PCNX3: variants seen among roughly 807,000 people sequenced by gnomAD.
PCNX3 encodes pecanex-like protein 3.
A neutral mutation model predicts 207.2 loss-of-function variants in PCNX3; 58 were observed. The ratio of observed to expected loss-of-function variants is 0.28; its 90% CI spans 0.23 to 0.35. PCNX3 has a LOEUF of 0.35. Ranked by LOEUF, PCNX3 falls within the 10% of genes least tolerant of loss-of-function variation. PCNX3 has a pLI of 1.00. For synonymous variants in PCNX3, 1,337 were observed against 1,183.5 expected (o/e 1.13, Z -2.66); for missense variants, 2,410 against 2,774.4 (o/e 0.87, Z 2.95).
In PCNX3 at chr11:65,636,494, C is replaced by T; in HGVS notation, c.5697C>T (p.Pro1899=). The change falls in exon 34 of 35, where the codon CCC becomes CCT. Residue 1899 remains proline (P), a synonymous_variant. Coordinates refer to ENST00000355703, the MANE Select transcript of PCNX3 (RefSeq NM_032223.4). ...CCCCACCTCTGCTGCAGTGGCCTCC[C>T]CCTCGGCTCCCTGGACCACCCCCTG... ...GRPPPLLQWP[P]PRLPGPPPAS... is the part of the protein sequence containing the mutation. 1 of 1,576,396 alleles carries T rather than the reference C, an allele frequency of 6.3e-7. No individual in the cohort carries two copies. The highest frequency in any genetic ancestry group is 8.6e-7 in the Non-Finnish European group (1 of 1,162,934).
At position 65,623,664 on chromosome 11, in the gene PCNX3, G is replaced by A; in HGVS notation, c.2511+20G>A. On this transcript the variant is annotated intron_variant, in intron 12 of 34. Coordinates refer to ENST00000355703, the MANE Select transcript of PCNX3 (RefSeq NM_032223.4). ...CTGAAGGTCAGGCCGGGCTCTCTGT[G>A]TTTCCTTCCCCACCCGACTTTTCCC... 1 of 1,606,864 alleles carries A rather than the reference G, an allele frequency of 6.2e-7. No homozygotes were observed.
chr11:65,620,037 C>T lies in PCNX3; in HGVS notation c.2008+105C>T, dbSNP rs976777378. 2.5e-5 allele frequency: 30 copies of T among 1,201,030 alleles called. No individual in the cohort carries two copies. In the East Asian group the frequency reaches 4.6e-4, roughly 18 times the overall value. 74.4% of individuals were successfully genotyped at this position (1,201,030 alleles called of 1,614,324 possible). On this transcript the variant is annotated intron_variant, in intron 8 of 34. Transcript: ENST00000355703. ...GCTCGGCCCTGTGGCAGGTACACTG[C>T]TAATGCTGCCAGACATCATCCTTGC... is the stretch of plus-strand genomic sequence containing the variant.
Position 65,625,444 on chromosome 11 carries a change from G to A in PCNX3, c.3069G>A (p.Glu1023=), listed in dbSNP as rs1445645671. The part of the protein sequence containing the change: ...IRSKLFPELE[E]RSLETARAEP... Reference sequence around the variant, plus strand: ...GCAAGCTGTTCCCTGAGCTGGAGGAGCGCAGCTTGGAGACAGCCCGGGCCG... The same window carrying A: ...GCAAGCTGTTCCCTGAGCTGGAGGAACGCAGCTTGGAGACAGCCCGGGCCG... The change falls in exon 18 of 35, where the codon GAG becomes GAA. Residue 1023 remains glutamate, a synonymous_variant. Transcript: ENST00000355703. The surrounding 1 kb of genome is among the most constrained non-coding windows in gnomAD (Gnocchi z 5.6). 5.6e-6 allele frequency: 9 copies of A among 1,605,334 alleles called. No individual in the cohort carries two copies. In the South Asian group the frequency reaches 8.8e-5, roughly 16 times the overall value.
At position 65,634,991 on chromosome 11, in the gene PCNX3, C is replaced by T. The variant is rs141507687; in HGVS notation, c.4824C>T (p.Tyr1608=). ...SMSASLEPFL[Y]GLHALFKGDF... ...CACTTAGCCTGGAGCCCTTCCTCTACGGCCTGCACGCCCTGTTCAAGGGGG... is the reference window on the plus strand; with the variant it reads ...CACTTAGCCTGGAGCCCTTCCTCTATGGCCTGCACGCCCTGTTCAAGGGGG... The change falls in exon 30 of 35, where the codon TAC becomes TAT. Residue 1608 remains tyrosine (Y), a synonymous_variant. Transcript: ENST00000355703. The T allele has an allele frequency of 9.8e-4, 1,576 of 1,613,458 alleles. 14 individuals carry two copies. The African/African-American group carries it at 0.019, about 19-fold the overall frequency.
Position 65,618,863 on chromosome 11 carries a change from G to C in PCNX3, c.1501G>C (p.Ala501Pro). Residue 501 changes from alanine (A) to proline (P), a missense_variant, in exon 6 of 35, where the codon GCC becomes CCC. By Grantham distance (27) the Ala-to-Pro change is conservative (BLOSUM62 -1). Coordinates refer to ENST00000355703, the MANE Select transcript of PCNX3 (RefSeq NM_032223.4). The stretch of plus-strand genomic sequence containing the variant: ...TAGTACCGCCAGCGCTAAAACACAT[G>C]CCCGTGTGCTGAGCATGGATGGGGC... ...TPSTASAKTH[A>P]RVLSMDGAGG... The C allele has an allele frequency of 1.9e-6, 3 of 1,610,876 alleles. No individual in the cohort carries two copies. Among genetic ancestry groups the C allele is most frequent in the Non-Finnish European group, 2.5e-6 (3 of 1,179,170 alleles).
rs1379774086 is a variant in PCNX3 at position 65,629,750 on chromosome 11, C to T, written c.4216+15C>T. 25 of 1,548,844 alleles carry T rather than the reference C, an allele frequency of 1.6e-5. No individual in the cohort carries two copies. Among genetic ancestry groups the T allele is most frequent in the African/African-American group, 1.4e-5 (1 of 72,992 alleles). ...TGAGTTCCGGGGTGAGCCGCAGGACCAGGCTCGGGTGGGCAGGCACAGCTC... is the reference window on the plus strand; with the variant it reads ...TGAGTTCCGGGGTGAGCCGCAGGACTAGGCTCGGGTGGGCAGGCACAGCTC... On this transcript the variant is annotated intron_variant, in intron 26 of 34. Coordinates refer to ENST00000355703, the MANE Select transcript of PCNX3 (RefSeq NM_032223.4).
At position 65,626,978 on chromosome 11, in the gene PCNX3, G is replaced by A. The variant is rs1342213036; in HGVS notation, c.3454G>A (p.Ala1152Thr). The A allele has an allele frequency of 4.5e-6, 7 of 1,560,740 alleles. No homozygotes were observed. Among genetic ancestry groups the A allele is most frequent in the Non-Finnish European group, 6.1e-6 (7 of 1,152,484 alleles). The change falls in exon 21 of 35, where the codon GCC becomes ACC. Residue 1152 changes from alanine (A) to threonine (T), a missense_variant. Around this residue, in one of 8 missense-constraint regions of PCNX3, gnomAD observed 333 missense variants for 386.8 expected, o/e 0.86. Coordinates refer to ENST00000355703, the MANE Select transcript of PCNX3 (RefSeq NM_032223.4). ...CGTAGAGAAGTACCTCATCTACCCC[G>A]CCGTGGTGCTCAACGCCCTCACGGT... ...QCVEKYLIYP[A>T]VVLNALTVDA... is the part of the protein sequence containing the mutation.
At chr11:65,631,528 G>A (rs1590900596) in intron 27 of PCNX3, among the ~76,000 whole-genome samples, 1 of 152,108 alleles carries the variant, frequency 6.6e-6, no homozygotes, top group Non-Finnish European at 1.5e-5. Context: ...GTGTGATGGC[G>A]GGCACCTGTA....
Position 65,625,796 on chromosome 11 carries a change from C to T in PCNX3, c.3228+52C>T. Reference sequence around the variant, plus strand: ...CTCTCGCTGTCTTGGCGGGAGCCTGCTCAATCTGAGTGCCGTGGGCAGCCC... The same window carrying T: ...CTCTCGCTGTCTTGGCGGGAGCCTGTTCAATCTGAGTGCCGTGGGCAGCCC... On this transcript the variant is annotated intron_variant, in intron 19 of 34. Transcript: ENST00000355703. The surrounding 1 kb of genome is among the most constrained non-coding windows in gnomAD (Gnocchi z 5.6). 1 of 1,597,340 alleles carries T rather than the reference C, an allele frequency of 6.3e-7. No homozygotes were observed. Among genetic ancestry groups the T allele is most frequent in the South Asian group, 1.1e-5 (1 of 89,870 alleles).
intron 20 of PCNX3, 170 bp downstream of exon 20, chr11:65,626,224 C>G: frequency 1.1e-6 from 1 of 939,320 alleles, no homozygotes; most frequent in South Asian, 1.4e-5. Flanking sequence ...CGGCTGCGCT[C>G]TCCACCGACT....
Position 65,625,255 on chromosome 11 carries a change from C to T in PCNX3, c.3004C>T (p.Gln1002Ter). The T allele has an allele frequency of 6.2e-7, 1 of 1,610,306 alleles. No individual in the cohort carries two copies. ...GGCACTGTCCTACCACCTGAGCCGG[C>T]AGAGCAGCGACCCCACCGTGCTCTG... ...LVALSYHLSRQSSDPTVLWSL... is the reference protein window; with the variant it reads ...LVALSYHLSR The change falls in exon 17 of 35, where the codon CAG becomes TAG. Residue 1002 changes from glutamine (Q) to a stop codon, truncating the protein, a stop_gained. Coordinates refer to ENST00000355703, the MANE Select transcript of PCNX3 (RefSeq NM_032223.4). LOFTEE classifies it high-confidence loss of function. The surrounding 1 kb of genome is among the most constrained non-coding windows in gnomAD (Gnocchi z 5.6).
In PCNX3 at chr11:65,618,390, C is replaced by T. The variant is rs199909376; in HGVS notation, c.1028C>T (p.Ala343Val). The T allele has an allele frequency of 6.3e-5, 102 of 1,612,776 alleles. No homozygotes were observed. The highest frequency in any genetic ancestry group is 8.2e-5 in the Non-Finnish European group (97 of 1,179,840). ...EGSDTDPPSE[A>V]ELPASPDAGV... ...AGCGACACAGACCCACCCTCTGAGG[C>T]TGAGCTGCCTGCCTCACCAGACGCC... is the stretch of plus-strand genomic sequence containing the variant. Residue 343 changes from alanine (A) to valine (V), a missense_variant, in exon 6 of 35, where the codon GCT becomes GTT. Ala to Val is a moderately conservative substitution (Grantham distance 64). Around this residue, in one of 8 missense-constraint regions of PCNX3, gnomAD observed 1,104 missense variants for 970.3 expected, o/e 1.14. Coordinates refer to ENST00000355703, the MANE Select transcript of PCNX3 (RefSeq NM_032223.4).
rs1174962672 is a variant in PCNX3 at position 65,616,710 on chromosome 11, G to T, written c.154-114G>T. On this transcript the variant is annotated intron_variant, in intron 1 of 34. Coordinates refer to ENST00000355703, the MANE Select transcript of PCNX3 (RefSeq NM_032223.4). The stretch of plus-strand genomic sequence containing the variant: ...GAGGTCTGTGTACTGGTTGTGTGGA[G>T]AGGTGATGAAATTTTCTTGTGAGTC... The T allele has an allele frequency of 3.3e-6, 4 of 1,194,862 alleles. No individual in the cohort carries two copies. The Admixed American group carries it at 9.0e-5, about 27-fold the overall frequency. The allele number at this position is 1,194,862 out of a possible 1,614,324, so 74.0% of individuals were successfully genotyped here.
At chr11:65,624,138 T>C in intron 13 of PCNX3, 57 bp from the exon 14 acceptor site, 8 of 1,571,470 alleles carry the variant, frequency 5.1e-6, no homozygotes, top group Middle Eastern at 1.8e-4. Flanking sequence ...AGTGTGTGCA[T>C]GTGTCAGAGG....
At chr11:65,619,421 C>G in intron 6 of PCNX3, 116 bp from the exon 7 acceptor site, 2 of 1,472,372 alleles carry the variant, frequency 1.4e-6, no homozygotes, top group Middle Eastern at 5.0e-4. Flanking sequence ...GGCCTCAGAG[C>G]CGGGGCGTGG....
intron 11 of PCNX3, 96 bp downstream of exon 11, chr11:65,622,462 G>T: frequency 7.1e-7 from 1 of 1,401,486 alleles, no homozygotes; most frequent in Admixed American, 2.4e-5. Flanking sequence ...TGGCAGCAGA[G>T]AGCCTGACTC....
chr11:65,630,308 G>T, intron 26 of PCNX3, 43 bp from the exon 27 acceptor site: 1 of 1,598,004 alleles, frequency 6.3e-7, no homozygotes, highest in Admixed American at 1.7e-5. Flanking sequence ...GGGCAGGTAG[G>T]GATTGTTCTA....
At position 65,618,077 on chromosome 11, in the gene PCNX3, C is replaced by A. The variant is rs1365785496; in HGVS notation, c.715C>A (p.Pro239Thr). 6.2e-7 allele frequency: 1 copy of A among 1,608,280 alleles called. No individual in the cohort carries two copies. Among genetic ancestry groups the A allele is most frequent in the Non-Finnish European group, 8.5e-7 (1 of 1,177,868 alleles). The change falls in exon 6 of 35, where the codon CCC (proline) becomes ACC (threonine). Residue 239 changes from proline (P) to threonine (T), a missense_variant. Pro to Thr is a conservative substitution (Grantham distance 38, BLOSUM62 -1). Around this residue, in one of 8 missense-constraint regions of PCNX3, gnomAD observed 1,104 missense variants for 970.3 expected, o/e 1.14. Coordinates refer to ENST00000355703, the MANE Select transcript of PCNX3 (RefSeq NM_032223.4). ...CAGCATGGCTGACACTCCCATGAGC[C>A]CCCTGCTGAAGGGGAGCCTCAGCCA... ...GSSMADTPMS[P>T]LLKGSLSQEL...
chr11:65,616,368 C>T lies in PCNX3; in HGVS notation c.57C>T (p.Gly19=), dbSNP rs1444915620. 9 of 1,607,200 alleles carry T rather than the reference C, an allele frequency of 5.6e-6. No individual in the cohort carries two copies. The highest frequency in any genetic ancestry group is 1.6e-4 in the Middle Eastern group (1 of 6,068). ...LRQGVWASLT[G]GWFFDPHQST... is the part of the protein sequence containing the mutation. ...AGGGGGTGTGGGCCTCGCTCACCGG[C>T]GGTTGGTTCTTCGACCCGCACCAGA... Residue 19 remains glycine (G), a synonymous_variant, in exon 1 of 35, where the codon GGC becomes GGT. Transcript: ENST00000355703.
Sources: allele counts gnomAD v4.1 joint callset (sites outside exome capture counted in the v4.1 genomes callset), GRCh38; gene constraint gnomAD v4.1.1; regional missense constraint gnomAD v4.1.1; non-coding constraint Gnocchi (gnomAD v3.1); transcripts MANE v1.5; gene names NCBI Gene and HGNC (gene_info 2026-07-23, HGNC 2026-07-21).